IL1RAPL2: variants seen among roughly 807,000 people sequenced by gnomAD.
The protein encoded by IL1RAPL2 is X-linked interleukin-1 receptor accessory protein-like 2.
Under a neutral mutation model 44.1 loss-of-function variants are expected in IL1RAPL2, and 3 were observed. The observed-to-expected ratio is 0.07, with a 90% CI of 0.03 to 0.18. The LOEUF (loss-of-function observed/expected upper bound fraction) is 0.18, where lower values mean the gene tolerates loss of function less well. Ranked by LOEUF, IL1RAPL2 falls within the 10% of genes least tolerant of loss-of-function variation. The pLI is 1.00. For synonymous variants in IL1RAPL2, 181 were observed against 178.8 expected, an observed-to-expected ratio of 1.01 and a Z score of -0.10; for missense variants, 391 against 496.4, an observed-to-expected ratio of 0.79 and a Z score of 2.02.
chrX:104,821,240 G>GT (rs1435985541), intron 2 of IL1RAPL2, among the ~76,000 whole-genome samples: 260 of 107,216 alleles, frequency 2.4e-3, no homozygotes, highest in Middle Eastern at 0.014. Flanking sequence ...TTGTAAATCT[G>GT]TTTTTTTTTT....
intron 2 of IL1RAPL2, among the ~76,000 whole-genome samples, chrX:105,020,550 T>C (rs1394428045): frequency 8.9e-6 from 1 of 111,849 alleles, no homozygotes; most frequent in Non-Finnish European, 1.9e-5. Context: ...CATTAGTACT[T>C]ACTACATAAG....
chrX:105,158,976 C>A (rs947776163), intron 2 of IL1RAPL2, among the ~76,000 whole-genome samples: 5 of 112,059 alleles, frequency 4.5e-5, no homozygotes, highest in African/African-American at 1.6e-4. Flanking sequence ...CCTCTCTTCA[C>A]AGCATCCAGT....
intron 2 of IL1RAPL2, among the ~76,000 whole-genome samples, chrX:104,862,031 G>A (rs5917157): frequency 0.36 from 39,218 of 109,038 alleles, 5,768 homozygotes; most frequent in East Asian, 0.54. Flanking sequence ...AGGCATTCTA[G>A]GCATAGAGCA....
chrX:105,666,931 C>T (rs766820915), intron 6 of IL1RAPL2, among the ~76,000 whole-genome samples: 20 of 111,623 alleles, frequency 1.8e-4, no homozygotes, highest in Non-Finnish European at 3.4e-4. Flanking sequence ...GCACATCACG[C>T]GCTGTTGGCT....
At chrX:104,717,529 C>T (rs1174976991) in intron 2 of IL1RAPL2, among the ~76,000 whole-genome samples, 1 of 109,183 alleles carries the variant, frequency 9.2e-6, no homozygotes, top group Non-Finnish European at 1.9e-5. Context: ...GAAGGTAGGC[C>T]TATTTATTTG....
intron 5 of IL1RAPL2, among the ~76,000 whole-genome samples, chrX:105,452,410 A>G (rs2036025672): frequency 8.9e-6 from 1 of 111,734 alleles, no homozygotes; most frequent in African/African-American, 3.2e-5. Context: ...ACTAGTGAAT[A>G]AAATTGCACA....
chrX:105,548,381 A>G (rs2036823260), intron 6 of IL1RAPL2, among the ~76,000 whole-genome samples: 1 of 111,409 alleles, frequency 9.0e-6, no homozygotes, highest in Non-Finnish European at 1.9e-5. Flanking sequence ...GAAGTGGCAT[A>G]AAGATTAGAC....
chrX:105,032,911 A>T (rs2031538440), intron 2 of IL1RAPL2, among the ~76,000 whole-genome samples: 1 of 111,492 alleles, frequency 9.0e-6, no homozygotes, highest in Non-Finnish European at 1.9e-5. Context: ...TGGGTGCTCC[A>T]GTATTGGGTG....
intron 2 of IL1RAPL2, among the ~76,000 whole-genome samples, chrX:105,040,722 G>A (rs2031717268): frequency 9.1e-6 from 1 of 109,828 alleles, no homozygotes; most frequent in Non-Finnish European, 1.9e-5. Context: ...GGGATCAGTG[G>A]TGATATCCCC....
chrX:104,997,700 T>C (rs1377503032), intron 2 of IL1RAPL2, among the ~76,000 whole-genome samples: 2 of 111,804 alleles, frequency 1.8e-5, no homozygotes, highest in African/African-American at 3.2e-5. Context: ...TATTTCCTTA[T>C]AGTTTGGCTC....
In IL1RAPL2 at chrX:105,290,165, C is replaced by A. The variant is rs772711173; in HGVS notation, c.697+22624C>A. ...TCTTGTCCTTAAGAGTATCTCTTCACTCCTTTACATAGAATTTACTAACAG... is the reference window on the plus strand; with the variant it reads ...TCTTGTCCTTAAGAGTATCTCTTCAATCCTTTACATAGAATTTACTAACAG... On this transcript the variant is annotated intron_variant, in intron 5 of 10. Transcript: ENST00000372582. Among the ~76,000 whole-genome samples the A allele has an allele frequency of 7.2e-5, 8 of 111,453 alleles. No individual in the cohort carries two copies. The East Asian group carries it at 2.3e-3, about 31-fold the overall frequency.
intron 3 of IL1RAPL2, among the ~76,000 whole-genome samples, chrX:105,226,417 A>ATTTTTT (rs2034016012): frequency 5.0e-5 from 1 of 20,151 alleles, no homozygotes; most frequent in African/African-American, 1.8e-4. Flanking sequence ...TTTTTTTTTG[A>ATTTTTT]GACAGTGTCT....
At chrX:104,983,553 G>GAT (rs2030494560) in intron 2 of IL1RAPL2, among the ~76,000 whole-genome samples, 3 of 63,250 alleles carry the variant, frequency 4.7e-5, no homozygotes, top group African/African-American at 1.3e-4. Context: ...TTATATTATA[G>GAT]ACATATTATA....
chrX:105,480,139 T>C (rs2036224614), intron 5 of IL1RAPL2, among the ~76,000 whole-genome samples: 1 of 112,379 alleles, frequency 8.9e-6, no homozygotes, highest in South Asian at 3.7e-4. Flanking sequence ...ATGAAAGTTG[T>C]CATAACAGTA....
chrX:104,638,909 C>G (rs1478344896), intron 1 of IL1RAPL2, among the ~76,000 whole-genome samples: 1 of 111,864 alleles, frequency 8.9e-6, no homozygotes, highest in Non-Finnish European at 1.9e-5. Flanking sequence ...TATAATGTTT[C>G]TCTGGTTTTT....
chrX:104,764,803 TTGAAA>T (rs1191089871), intron 2 of IL1RAPL2, among the ~76,000 whole-genome samples: 1 of 112,489 alleles, frequency 8.9e-6, no homozygotes, highest in African/African-American at 3.2e-5. Flanking sequence ...ACATCATCAA[TTGAAA>T]TGATCACTAG....
At chrX:105,553,114 T>G (rs2036870486) in intron 6 of IL1RAPL2, among the ~76,000 whole-genome samples, 1 of 112,159 alleles carries the variant, frequency 8.9e-6, no homozygotes, top group African/African-American at 3.2e-5. Context: ...TTAGCTATTG[T>G]GTGAAAAGGA....
intron 2 of IL1RAPL2, among the ~76,000 whole-genome samples, chrX:104,871,109 G>T (rs1193872790): frequency 4.5e-5 from 5 of 111,221 alleles, no homozygotes; most frequent in Non-Finnish European, 7.6e-5. Context: ...GTCTATAATG[G>T]AAATAAATAT....
At chrX:105,005,107 A>G (rs1466715164) in intron 2 of IL1RAPL2, among the ~76,000 whole-genome samples, 2 of 111,186 alleles carry the variant, frequency 1.8e-5, no homozygotes, top group Non-Finnish European at 3.8e-5. Flanking sequence ...CATGTTGCAT[A>G]GAGGGCAAAT....
Sources: gnomAD v4.1 joint callset for allele counts (sites outside exome capture counted in the v4.1 genomes callset) on GRCh38, gnomAD v4.1.1 for gene constraint, MANE v1.5 for transcripts, NCBI Gene and HGNC (gene_info 2026-07-23, HGNC 2026-07-21) for gene names.